CTNNA2: variants seen among roughly 807,000 people sequenced by gnomAD.
The protein encoded by CTNNA2 is catenin alpha-2.
In CTNNA2, 42 loss-of-function variants were observed where a neutral mutation model predicts 101.0. That is an observed-to-expected ratio of 0.42 (90% CI 0.32 to 0.54). CTNNA2 has a LOEUF of 0.54. CTNNA2 is among the 20% of genes least tolerant of loss of function. The pLI, the probability that CTNNA2 is intolerant of heterozygous loss-of-function variation, is 0.14. For missense variants in CTNNA2, 871 were observed against 1,223.1 expected (o/e 0.71, Z 4.29); for synonymous variants, 450 against 456.4 (o/e 0.99, Z 0.18).
intron 7 of CTNNA2, chr2:80,163,118 T>C: frequency 6.3e-7 from 1 of 1,577,052 alleles, no homozygotes; most frequent in South Asian, 1.1e-5. Context: ...CATCCTTATC[T>C]TTTGGAATTT....
At chr2:79,509,884 C>T (rs1260768175), upstream of CTNNA2, among the ~76,000 whole-genome samples, 1 of 152,104 alleles carries the variant, frequency 6.6e-6, no homozygotes, top group African/African-American at 2.4e-5. Flanking sequence ...ACTTCTCACT[C>T]AATTTTTCTG....
At chr2:79,952,081 C>T (rs1285129301) in intron 7 of CTNNA2, among the ~76,000 whole-genome samples, 2 of 152,080 alleles carry the variant, frequency 1.3e-5, no homozygotes, top group Non-Finnish European at 1.5e-5. Flanking sequence ...AGTTCTCTCC[C>T]TAGGTCTCTA....
intron 3 of CTNNA2, among the ~76,000 whole-genome samples, chr2:79,800,893 A>G (rs548891252): frequency 9.2e-5 from 14 of 152,310 alleles, no homozygotes; most frequent in African/African-American, 3.4e-4. Flanking sequence ...GTGTCATAGA[A>G]AGTGGTTATG....
chr2:79,446,594 G>T (rs768710992), intron 4 of CTNNA2, among the ~76,000 whole-genome samples: 2 of 151,988 alleles, frequency 1.3e-5, no homozygotes, highest in Non-Finnish European at 2.9e-5. Context: ...CTGGTGGCCT[G>T]TTCCTTTTGA....
At chr2:80,245,394 T>C (rs1397945385) in intron 7 of CTNNA2, among the ~76,000 whole-genome samples, 3 of 152,224 alleles carry the variant, frequency 2.0e-5, no homozygotes, top group African/African-American at 7.2e-5. Flanking sequence ...TAAAATTGTA[T>C]CACTTTCATT....
intron 1 of CTNNA2, among the ~76,000 whole-genome samples, chr2:79,549,642 T>TA (rs969444203): frequency 2.2e-4 from 33 of 152,102 alleles, no homozygotes; most frequent in African/African-American, 7.7e-4. Context: ...TTTGTCATAA[T>TA]AAAAAAAATA....
At chr2:80,172,262 G>T (rs756859664) in intron 7 of CTNNA2, among the ~76,000 whole-genome samples, 2 of 152,128 alleles carry the variant, frequency 1.3e-5, no homozygotes, top group Non-Finnish European at 2.9e-5. Flanking sequence ...TATATGAACT[G>T]CCTTGAGCTT....
chr2:79,897,063 C>A (rs939661320), intron 6 of CTNNA2, among the ~76,000 whole-genome samples: 5 of 152,018 alleles, frequency 3.3e-5, no homozygotes, highest in Non-Finnish European at 5.9e-5. Context: ...TTACACAATG[C>A]TTGCTGAAAA....
At chr2:79,965,825 G>A (rs1690000997) in intron 7 of CTNNA2, among the ~76,000 whole-genome samples, 1 of 28,308 alleles carries the variant, frequency 3.5e-5, no homozygotes, top group Non-Finnish European at 5.3e-5. Flanking sequence ...GTGAGACTAT[G>A]TCAAAAAAAA....
intron 3 of CTNNA2, among the ~76,000 whole-genome samples, chr2:79,371,857 T>C (rs1265147394): frequency 6.6e-6 from 1 of 152,176 alleles, no homozygotes; most frequent in East Asian, 1.9e-4. Flanking sequence ...CTCCTGGTGA[T>C]CCTGGTGCTA....
chr2:80,006,003 T>C (rs400346), intron 7 of CTNNA2, among the ~76,000 whole-genome samples: 94,717 of 151,974 alleles, frequency 0.62, 30,700 homozygotes, highest in East Asian at 0.79. Context: ...CACTAAAGAA[T>C]AAGTTTCCAT....
Position 79,715,070 on chromosome 2 carries a change from G to A in CTNNA2, c.103-29317G>A, listed in dbSNP as rs1012629831. 5.9e-5 allele frequency among the ~76,000 whole-genome samples: 9 copies of A among 151,522 alleles called. 1 individual carries two copies. Among genetic ancestry groups the A allele is most frequent in the Admixed American group, 5.3e-4 (8 of 15,228 alleles). On this transcript the variant is annotated intron_variant, in intron 2 of 18. Transcript: ENST00000402739. ...AAAAAAAAAAAAATTAACCAGGCGT[G>A]GTGGTGGATGCCTGTAATCCCAGGT...
intron 7 of CTNNA2, among the ~76,000 whole-genome samples, chr2:80,260,197 C>T (rs918527107): frequency 2.6e-5 from 4 of 152,158 alleles, no homozygotes; most frequent in Non-Finnish European, 4.4e-5. Flanking sequence ...CCTGCACTCT[C>T]AACCATCATT....
Position 80,302,484 on chromosome 2 carries a change from G to A in CTNNA2, c.1057-90727G>A. 6.2e-7 allele frequency: 1 copy of A among 1,613,960 alleles called. No homozygotes were observed. ...GGGAAACACTTCCAGGACACGTAGA[G>A]CACCAGGACCACGATGAGGAAGGAG... On this transcript the variant is annotated intron_variant, in intron 7 of 18. Coordinates refer to ENST00000402739, the MANE Select transcript of CTNNA2 (RefSeq NM_001282597.3). The surrounding 1 kb of genome is among the most constrained non-coding windows in gnomAD (Gnocchi z 6.4).
At chr2:79,601,838 C>T (rs1346741410) in intron 1 of CTNNA2, among the ~76,000 whole-genome samples, 2 of 152,186 alleles carry the variant, frequency 1.3e-5, no homozygotes, top group African/African-American at 4.8e-5. Context: ...TGACCTATGT[C>T]CCCACCATAA....
chr2:80,622,377 C>A (rs1481275666), intron 18 of CTNNA2, among the ~76,000 whole-genome samples: 1 of 151,880 alleles, frequency 6.6e-6, no homozygotes, highest in Non-Finnish European at 1.5e-5. Context: ...AAGAGATCAT[C>A]ATTTGGGGGT....
intron 1 of CTNNA2, among the ~76,000 whole-genome samples, chr2:79,513,461 C>G (rs1278130905): frequency 6.6e-6 from 1 of 152,276 alleles, no homozygotes; most frequent in East Asian, 1.9e-4. Context: ...CCCTAGAGCA[C>G]AGCTCTGCAT....
chr2:80,564,320 G>T (rs1048764518), intron 12 of CTNNA2, among the ~76,000 whole-genome samples: 15 of 152,232 alleles, frequency 9.9e-5, no homozygotes, highest in African/African-American at 3.4e-4. Flanking sequence ...TTAAGTTTCA[G>T]AATTAAATGT....
intron 9 of CTNNA2, among the ~76,000 whole-genome samples, chr2:80,517,211 C>T (rs1218601113): frequency 6.6e-6 from 1 of 152,162 alleles, no homozygotes; most frequent in Non-Finnish European, 1.5e-5. Flanking sequence ...GCATTTGCAC[C>T]CAAAACATGG....
Sources: allele counts gnomAD v4.1 joint callset (sites outside exome capture counted in the v4.1 genomes callset), GRCh38; gene constraint gnomAD v4.1.1; non-coding constraint Gnocchi (gnomAD v3.1); transcripts MANE v1.5; gene names NCBI Gene and HGNC (gene_info 2026-07-23, HGNC 2026-07-21).